SHC3: variants seen among roughly 807,000 people sequenced by gnomAD.
SHC3 encodes the protein SHC-transforming protein 3.
Under a neutral mutation model 60.4 loss-of-function variants are expected in SHC3, and 15 were observed. The observed-to-expected ratio is 0.25, with a 90% CI of 0.17 to 0.38. The LOEUF is 0.38. SHC3 is among the 10% of genes least tolerant of loss of function. SHC3 has a pLI of 1.00. For missense variants in SHC3, 677 were observed against 786.1 expected (o/e 0.86, Z 1.66); for synonymous variants, 294 against 325.9 (o/e 0.90, Z 1.05).
chr9:89,052,208 G>A (rs1191235497), intron 6 of SHC3, 45 bp from the exon 7 acceptor site: 2 of 1,608,172 alleles, frequency 1.2e-6, no homozygotes, highest in Non-Finnish European at 1.7e-6. Context: ...AGACACTGGT[G>A]CTACCTGGGC....
chr9:89,140,264 T>C (rs1266768193), intron 1 of SHC3, among the ~76,000 whole-genome samples: 2 of 152,124 alleles, frequency 1.3e-5, no homozygotes, highest in Non-Finnish European at 2.9e-5. Flanking sequence ...GGCTTCAGGG[T>C]GGAGCCCAGA....
intron 1 of SHC3, among the ~76,000 whole-genome samples, chr9:89,153,304 T>C (rs1399503374): frequency 1.3e-5 from 2 of 152,090 alleles, no homozygotes; most frequent in Non-Finnish European, 2.9e-5. Context: ...CAGAATAACT[T>C]GGTATTATGA....
In SHC3 at chr9:89,036,223, A is replaced by G. The variant is rs147940182; in HGVS notation, c.1656+1770T>C. Among the ~76,000 whole-genome samples, 689 of 152,284 alleles carry G rather than the reference A, an allele frequency of 4.5e-3. 4 individuals carry two copies. The highest frequency in any genetic ancestry group is 0.016 in the African/African-American group (663 of 41,558). On this transcript the variant is annotated intron_variant, in intron 11 of 11. Transcript: ENST00000375835. ...AAGCCCAATCTGAAAGTCAAAAGAAAAACATGGAGAAAAGATAAGAACATA... is the reference window on the plus strand; with the variant it reads ...AAGCCCAATCTGAAAGTCAAAAGAAGAACATGGAGAAAAGATAAGAACATA...
At position 89,162,615 on chromosome 9, in the gene SHC3, C is replaced by T. The variant is rs1328674982; in HGVS notation, c.474+15372G>A. 7.9e-5 allele frequency among the ~76,000 whole-genome samples: 12 copies of T among 151,846 alleles called. No homozygotes were observed. The South Asian group carries it at 1.5e-3, about 18-fold the overall frequency. On this transcript the variant is annotated intron_variant, in intron 1 of 11. Coordinates refer to ENST00000375835, the MANE Select transcript of SHC3 (RefSeq NM_016848.6). ...ATTCAAGATGGATTAAAGACTTAAA[C>T]GTTAGACCTAAAACCATAAAAACCC...
chr9:89,025,072 C>T (rs1378752257), intron 11 of SHC3, among the ~76,000 whole-genome samples: 2 of 152,114 alleles, frequency 1.3e-5, no homozygotes, highest in Non-Finnish European at 2.9e-5. Flanking sequence ...CCATTAATGA[C>T]GACACTCCAT....
intron 3 of SHC3, among the ~76,000 whole-genome samples, chr9:89,077,571 C>G (rs1467212442): frequency 2.0e-5 from 3 of 152,216 alleles, no homozygotes; most frequent in Non-Finnish European, 2.9e-5. Context: ...AAGCCTGACC[C>G]TGTTTTAAGT....
intron 1 of SHC3, among the ~76,000 whole-genome samples, chr9:89,130,399 T>C (rs985429812): frequency 1.3e-5 from 2 of 152,158 alleles, no homozygotes; most frequent in East Asian, 3.9e-4. Context: ...TGAACTCAGC[T>C]CTGCACCAAG....
intron 2 of SHC3, among the ~76,000 whole-genome samples, chr9:89,102,313 T>G (rs974874097): frequency 6.6e-6 from 1 of 152,176 alleles, no homozygotes; most frequent in Non-Finnish European, 1.5e-5. Flanking sequence ...GATTCCAAAT[T>G]TATTCATTTC....
At chr9:89,154,518 A>C (rs1826593928) in intron 1 of SHC3, among the ~76,000 whole-genome samples, 1 of 151,938 alleles carries the variant, frequency 6.6e-6, no homozygotes, top group African/African-American at 2.4e-5. Flanking sequence ...CAGTTTTCCA[A>C]CCTCCTTTTC....
At chr9:89,028,800 A>G (rs1409728616) in intron 11 of SHC3, among the ~76,000 whole-genome samples, 1 of 146,720 alleles carries the variant, frequency 6.8e-6, no homozygotes, top group Non-Finnish European at 1.5e-5. Flanking sequence ...ATATAGAGAG[A>G]TCATCTATAT....
At chr9:89,164,739 C>A (rs1443933452) in intron 1 of SHC3, among the ~76,000 whole-genome samples, 1 of 151,426 alleles carries the variant, frequency 6.6e-6, no homozygotes, top group African/African-American at 2.4e-5. Flanking sequence ...ATTCAGCAAC[C>A]ATTTCAGATT....
intron 5 of SHC3, among the ~76,000 whole-genome samples, chr9:89,070,695 T>A (rs1170346028): frequency 6.6e-6 from 1 of 152,154 alleles, no homozygotes; most frequent in Non-Finnish European, 1.5e-5. Context: ...ACTCTCTCTC[T>A]CTCTCTGCAA....
At chr9:89,113,075 A>G (rs1749951855) in intron 1 of SHC3, among the ~76,000 whole-genome samples, 1 of 149,452 alleles carries the variant, frequency 6.7e-6, no homozygotes, top group African/African-American at 2.6e-5. Flanking sequence ...ACATGATATG[A>G]CCAACATTTT....
chr9:89,168,007 G>C (rs1308116608), intron 1 of SHC3, among the ~76,000 whole-genome samples: 1 of 152,208 alleles, frequency 6.6e-6, no homozygotes. Flanking sequence ...CCCTGAGCCA[G>C]CTTGCGAACC....
chr9:89,040,150 C>A (rs866771395), intron 10 of SHC3, among the ~76,000 whole-genome samples: 1 of 39,914 alleles, frequency 2.5e-5, no homozygotes, highest in Non-Finnish European at 5.3e-5. Flanking sequence ...AGCATCACCA[C>A]CATCATCATC....
At chr9:89,071,872 A>G (rs1439724714) in intron 4 of SHC3, among the ~76,000 whole-genome samples, 2 of 152,208 alleles carry the variant, frequency 1.3e-5, no homozygotes, top group African/African-American at 2.4e-5. Context: ...GCATCTGCCA[A>G]CGAAGGCTCT....
At chr9:89,153,468 G>A (rs989749927) in intron 1 of SHC3, among the ~76,000 whole-genome samples, 4 of 152,234 alleles carry the variant, frequency 2.6e-5, no homozygotes, top group African/African-American at 9.6e-5. Flanking sequence ...CTCACTCAGA[G>A]CATTTCAAAA....
intron 2 of SHC3, among the ~76,000 whole-genome samples, chr9:89,090,049 G>T (rs1415504760): frequency 6.6e-6 from 1 of 152,228 alleles, no homozygotes; most frequent in Non-Finnish European, 1.5e-5. Context: ...CGCCAGCATG[G>T]ATAAATCACG....
At position 89,178,112 on chromosome 9, in the gene SHC3, G is replaced by T; in HGVS notation, c.349C>A (p.Arg117Ser). 2.6e-6 allele frequency: 3 copies of T among 1,152,082 alleles called. No homozygotes were observed. The highest frequency in any genetic ancestry group is 3.6e-4 in the Middle Eastern group (1 of 2,772). 71.4% of individuals were successfully genotyped at this position (1,152,082 alleles called of 1,614,324 possible). A position where few individuals can be genotyped will look rare whatever the true frequency, so the allele number is the denominator to read the frequency against. The change falls in exon 1 of 12, where the codon CGC (arginine) becomes AGC (serine). Residue 117 changes from arginine (R) to serine (S), a missense_variant. By Grantham distance (110) the Arg-to-Ser change is moderately radical. Transcript: ENST00000375835. This position sits in a 1 kb window ranked among gnomAD's most constrained non-coding sequence, Gnocchi z 6.9. ...CTGGCGGCGCTCATGGCCGGGGCGC[G>T]GGGCGCCGAGGGCGCACTGCCGTCC... ...APDGSAPSAP[R>S]APAMSAARKG...
Sources: gnomAD v4.1 joint callset for allele counts (sites outside exome capture counted in the v4.1 genomes callset) on GRCh38, gnomAD v4.1.1 for gene constraint, Gnocchi (gnomAD v3.1) non-coding constraint, MANE v1.5 for transcripts, NCBI Gene and HGNC (gene_info 2026-07-23, HGNC 2026-07-21) for gene names.